Variants in NUBPL observed in about 807,000 individuals in gnomAD.
NUBPL encodes the protein NUBP iron-sulfur cluster assembly factor, mitochondrial.
A neutral mutation model predicts 45.7 loss-of-function variants in NUBPL; 31 were observed. That is an observed-to-expected ratio of 0.68 (90% CI 0.51 to 0.92). NUBPL has a LOEUF of 0.92. Among genes scored for constraint, NUBPL ranks in the 40% least tolerant of loss-of-function variants. The probability of loss-of-function intolerance (pLI) is 0.00; values close to 1 mark genes in which losing one functional copy is unlikely to be tolerated. For missense variants in NUBPL, 401 were observed against 398.7 expected (o/e 1.01, Z -0.05); for synonymous variants, 144 against 140.9 (o/e 1.02, Z -0.15).
chr14:31,807,336 T>C (rs1157398326), intron 7 of NUBPL, among the ~76,000 whole-genome samples: 13 of 152,178 alleles, frequency 8.5e-5, no homozygotes, highest in Non-Finnish European at 1.5e-5. Flanking sequence ...AGGTGGTATC[T>C]CATTGTGGTT....
intron 6 of NUBPL, among the ~76,000 whole-genome samples, chr14:31,758,272 A>T (rs758150196): frequency 6.6e-5 from 10 of 152,222 alleles, no homozygotes; most frequent in Non-Finnish European, 1.3e-4. Context: ...TTAAAAGTTC[A>T]TAAAGCTGTT....
chr14:31,652,571 A>G (rs549874390), intron 4 of NUBPL, among the ~76,000 whole-genome samples: 1 of 152,222 alleles, frequency 6.6e-6, no homozygotes, highest in Admixed American at 6.5e-5. Flanking sequence ...TCAATTAAAA[A>G]TGATTAAAAA....
intron 7 of NUBPL, among the ~76,000 whole-genome samples, chr14:31,805,301 T>A (rs4981127): frequency 0.4 from 60,463 of 152,074 alleles, 13,559 homozygotes; most frequent in East Asian, 0.61. Flanking sequence ...AAGGGAACAC[T>A]TATACACTGT....
intron 6 of NUBPL, among the ~76,000 whole-genome samples, chr14:31,707,096 C>CTCCTAG (rs2037469745): frequency 5.3e-5 from 8 of 152,170 alleles, no homozygotes; most frequent in Admixed American, 5.2e-4. Flanking sequence ...TGGGAGGAAC[C>CTCCTAG]ATCTATCATC....
At chr14:31,835,072 G>T (rs1380360639) in intron 8 of NUBPL, among the ~76,000 whole-genome samples, 1 of 152,160 alleles carries the variant, frequency 6.6e-6, no homozygotes. Flanking sequence ...GAGTTAAGGA[G>T]CCATAGGTTC....
intron 6 of NUBPL, among the ~76,000 whole-genome samples, chr14:31,719,916 T>G (rs1004989663): frequency 3.9e-5 from 6 of 152,202 alleles, no homozygotes; most frequent in Non-Finnish European, 8.8e-5. Flanking sequence ...GCTATTAATA[T>G]TCTTTTAAAA....
intron 6 of NUBPL, among the ~76,000 whole-genome samples, chr14:31,734,754 A>AAC (rs1215611130): frequency 7.2e-5 from 8 of 111,306 alleles, no homozygotes; most frequent in African/African-American, 2.3e-4. Flanking sequence ...AAAGACATGA[A>AAC]ATAGTAGCAA....
chr14:31,819,605 T>A (rs1689850367), intron 7 of NUBPL, among the ~76,000 whole-genome samples: 1 of 152,224 alleles, frequency 6.6e-6, no homozygotes, highest in South Asian at 2.1e-4. Context: ...CTCTGAACTC[T>A]GACCCAAATC....
intron 9 of NUBPL, among the ~76,000 whole-genome samples, chr14:31,848,542 A>G (rs2040488962): frequency 6.6e-6 from 1 of 152,186 alleles, no homozygotes; most frequent in African/African-American, 2.4e-5. Context: ...AAGGTCTCAG[A>G]CCATCTCACA....
chr14:31,685,918 A>G (rs1272465203), intron 6 of NUBPL, among the ~76,000 whole-genome samples: 1 of 152,226 alleles, frequency 6.6e-6, no homozygotes, highest in Non-Finnish European at 1.5e-5. Flanking sequence ...TTTATTCAGT[A>G]GGTCCCAGGT....
intron 8 of NUBPL, among the ~76,000 whole-genome samples, chr14:31,831,254 G>A (rs2040185285): frequency 6.6e-6 from 1 of 151,748 alleles, no homozygotes; most frequent in Admixed American, 6.6e-5. Context: ...TGTTGGCCAG[G>A]CTGGTCTCAA....
intron 8 of NUBPL, among the ~76,000 whole-genome samples, chr14:31,834,178 C>CTTTTTTTT (rs34255943): frequency 4.7e-5 from 5 of 107,012 alleles, no homozygotes; most frequent in Admixed American, 1.1e-4. Flanking sequence ...TGGCCTGGAA[C>CTTTTTTTT]TTTTTTTTTT....
chr14:31,581,082 T>C (rs1458843947), intron 3 of NUBPL, among the ~76,000 whole-genome samples: 1 of 152,136 alleles, frequency 6.6e-6, no homozygotes, highest in Non-Finnish European at 1.5e-5. Context: ...CTAAAGTTGA[T>C]AGCTTGGACT....
chr14:31,813,239 G>T (rs10132874), intron 7 of NUBPL, among the ~76,000 whole-genome samples: 3 of 151,618 alleles, frequency 2.0e-5, no homozygotes, highest in Non-Finnish European at 2.9e-5. Flanking sequence ...TGCCTTCCTC[G>T]GCCTCCCGAA....
At chr14:31,754,686 CA>C (rs377641673) in intron 6 of NUBPL, among the ~76,000 whole-genome samples, 5,317 of 133,448 alleles carry the variant, frequency 0.04, 127 homozygotes, top group African/African-American at 0.084. Flanking sequence ...GCTGGCTAAG[CA>C]AAAAAAAAAT....
chr14:31,599,240 T>C, intron 3 of NUBPL, 49 bp from the exon 4 acceptor site: 1 of 1,351,052 alleles, frequency 7.4e-7, no homozygotes, highest in Non-Finnish European at 1.1e-6. Context: ...AACAATCTTA[T>C]GGTAAAGTGT....
intron 6 of NUBPL, among the ~76,000 whole-genome samples, chr14:31,753,254 G>A (rs749135606): frequency 4.6e-5 from 7 of 152,208 alleles, no homozygotes; most frequent in African/African-American, 7.2e-5. Flanking sequence ...ACAGGGCCAT[G>A]GTTGCCAGTG....
intron 7 of NUBPL, among the ~76,000 whole-genome samples, chr14:31,811,034 T>G (rs906541376): frequency 6.6e-6 from 1 of 152,222 alleles, no homozygotes; most frequent in Non-Finnish European, 1.5e-5. Context: ...GCCCTTTCTC[T>G]CTGGCTGCCC....
intron 3 of NUBPL, among the ~76,000 whole-genome samples, chr14:31,574,716 A>C (rs2033677804): frequency 6.9e-6 from 1 of 145,798 alleles, no homozygotes; most frequent in African/African-American, 2.6e-5. Flanking sequence ...CAGCCTTCCG[A>C]GTAGCTGGGA....
Sources: allele counts gnomAD v4.1 joint callset (sites outside exome capture counted in the v4.1 genomes callset), GRCh38; gene constraint gnomAD v4.1.1; transcripts MANE v1.5; gene names NCBI Gene and HGNC (gene_info 2026-07-23, HGNC 2026-07-21).